FGD3: variants seen among roughly 807,000 people sequenced by gnomAD.
FGD3 encodes the protein FYVE, RhoGEF and PH domain-containing protein 3.
FGD3 carries 45 observed loss-of-function variants against 71.8 expected under a neutral mutation model. The observed-to-expected ratio is 0.63, with a 90% CI of 0.49 to 0.80. The LOEUF is 0.80. Among genes scored for constraint, FGD3 ranks in the 30% least tolerant of loss-of-function variants. FGD3 has a pLI of 0.00. For synonymous variants in FGD3, 378 were observed against 392.8 expected (o/e 0.96, Z 0.44); for missense variants, 844 against 951.5 (o/e 0.89, Z 1.49).
At chr9:93,006,728 A>G (rs1038386431) in intron 6 of FGD3, among the ~76,000 whole-genome samples, 1 of 150,432 alleles carries the variant, frequency 6.6e-6, no homozygotes, top group Admixed American at 6.6e-5. Context: ...TTATTTTTTT[A>G]TTTTATTTTT....
intron 3 of FGD3, among the ~76,000 whole-genome samples, chr9:92,999,884 G>A (rs12684870): frequency 0.041 from 6,311 of 152,088 alleles, 170 homozygotes; most frequent in East Asian, 0.14. Flanking sequence ...GAGCCACCAC[G>A]CCTGGCTGCC....
chr9:93,020,506 G>C (rs1322288177), intron 13 of FGD3, 82 bp downstream of exon 13: 2 of 1,216,478 alleles, frequency 1.6e-6, no homozygotes, highest in South Asian at 1.3e-5. Flanking sequence ...CGTCTGGGTG[G>C]GCAGCTTGAC....
At chr9:93,002,873 G>T in intron 3 of FGD3, 52 bp from the exon 4 acceptor site, 1 of 1,585,130 alleles carries the variant, frequency 6.3e-7, no homozygotes, top group South Asian at 1.1e-5. Context: ...GTTAGGTGCC[G>T]ATTCCCCAAG....
chr9:92,968,607 C>CTTTTTTT (rs55908030), intron 1 of FGD3, among the ~76,000 whole-genome samples: 3 of 143,032 alleles, frequency 2.1e-5, no homozygotes, highest in African/African-American at 2.6e-5. Flanking sequence ...TTCTTTCTTT[C>CTTTTTTT]TTTTTTTTTT....
intron 1 of FGD3, among the ~76,000 whole-genome samples, chr9:92,967,592 A>G (rs1234995651): frequency 4.0e-5 from 6 of 151,736 alleles, no homozygotes; most frequent in South Asian, 2.1e-4. Flanking sequence ...TTATTTACTT[A>G]TGAGATGGAG....
chr9:92,962,268 A>T (rs7026624), intron 1 of FGD3, among the ~76,000 whole-genome samples: 105,876 of 152,172 alleles, frequency 0.7, 38,037 homozygotes, highest in African/African-American at 0.89. Flanking sequence ...AGAATTTATC[A>T]TGACCCTCTT....
rs1273171844 is a variant in FGD3 at position 93,003,319 on chromosome 9, G to A, written c.543+305G>A. 2.0e-5 allele frequency among the ~76,000 whole-genome samples: 3 copies of A among 152,106 alleles called. No individual in the cohort carries two copies. The stretch of plus-strand genomic sequence containing the variant: ...AATTTTTGTATTTATAGTAGAGACG[G>A]GGTTTCACCATATTTGTCAGGCTGG... On this transcript the variant is annotated intron_variant, in intron 4 of 17. Transcript: ENST00000375482. This position sits in a 1 kb window ranked among gnomAD's most constrained non-coding sequence, Gnocchi z 4.1.
chr9:93,029,436 G>T lies in FGD3; in HGVS notation c.1558-438G>T, dbSNP rs374838418. Among the ~76,000 whole-genome samples the T allele has an allele frequency of 5.9e-4, 90 of 152,282 alleles. 1 individual carries two copies. In the Middle Eastern group the frequency reaches 0.01, roughly 17 times the overall value. On this transcript the variant is annotated intron_variant, in intron 14 of 17. Transcript: ENST00000375482. ...GGCGTGCCTGGAGGGTGTGGCCCGCGGTGCCCAGTATAGAGCAGGCGCATG... is the reference window on the plus strand; with the variant it reads ...GGCGTGCCTGGAGGGTGTGGCCCGCTGTGCCCAGTATAGAGCAGGCGCATG...
intron 10 of FGD3, among the ~76,000 whole-genome samples, chr9:93,016,290 G>A (rs979514312): frequency 6.6e-6 from 1 of 152,064 alleles, no homozygotes; most frequent in Non-Finnish European, 1.5e-5. Context: ...CCGGAGCCGG[G>A]GGGAGGGTTC....
intron 3 of FGD3, among the ~76,000 whole-genome samples, chr9:93,002,689 T>C (rs1171501432): frequency 1.3e-5 from 2 of 152,182 alleles, no homozygotes; most frequent in Non-Finnish European, 2.9e-5. Flanking sequence ...CTTGCTGACA[T>C]CACTGTGCAA....
At chr9:92,985,194 A>T (rs564193530) in intron 3 of FGD3, among the ~76,000 whole-genome samples, 1 of 152,340 alleles carries the variant, frequency 6.6e-6, no homozygotes, top group South Asian at 2.1e-4. Flanking sequence ...TTCCCACGCC[A>T]ATGGCAGTTA....
intron 5 of FGD3, among the ~76,000 whole-genome samples, chr9:93,004,798 G>C (rs959960557): frequency 6.6e-6 from 1 of 152,138 alleles, no homozygotes; most frequent in Non-Finnish European, 1.5e-5. Context: ...CCACCAGCCC[G>C]TTCTCCAAGC....
At chr9:92,954,569 G>A (rs1446353273) in intron 1 of FGD3, among the ~76,000 whole-genome samples, 1 of 152,186 alleles carries the variant, frequency 6.6e-6, no homozygotes, top group Non-Finnish European at 1.5e-5. Flanking sequence ...ACAGGAAGTG[G>A]CAGCCATGAG....
In FGD3 at chr9:93,003,123, G is replaced by T; in HGVS notation, c.543+109G>T. The T allele has an allele frequency of 9.2e-7, 1 of 1,084,526 alleles. No individual in the cohort carries two copies. The highest frequency in any genetic ancestry group is 1.3e-6 in the Non-Finnish European group (1 of 748,902). 67.2% of individuals were successfully genotyped at this position (1,084,526 alleles called of 1,614,324 possible). On this transcript the variant is annotated intron_variant, in intron 4 of 17. Transcript: ENST00000375482. This position sits in a 1 kb window ranked among gnomAD's most constrained non-coding sequence, Gnocchi z 4.1. The stretch of plus-strand genomic sequence containing the variant: ...TAAAACTCAGACAAATTTAAGTCTG[G>T]TCTACAAACTTTTTTTTTTTTTTGA...
intron 3 of FGD3, among the ~76,000 whole-genome samples, chr9:92,996,325 T>C (rs961290429): frequency 1.3e-5 from 2 of 152,194 alleles, no homozygotes; most frequent in African/African-American, 4.8e-5. Context: ...GGTGGTGATA[T>C]CCTCTTTATC....
At chr9:92,954,655 C>G (rs1019902050) in intron 1 of FGD3, among the ~76,000 whole-genome samples, 2 of 152,206 alleles carry the variant, frequency 1.3e-5, no homozygotes, top group African/African-American at 4.8e-5. Flanking sequence ...AGCCGCTCAG[C>G]AAATGGTTGT....
chr9:92,982,694 G>T (rs1860043334), intron 3 of FGD3, among the ~76,000 whole-genome samples: 2 of 151,780 alleles, frequency 1.3e-5, no homozygotes, highest in Admixed American at 1.3e-4. Context: ...CTCCATAAGA[G>T]TCCTGAAAGT....
chr9:93,012,086 G>A (rs1338754442), intron 8 of FGD3, among the ~76,000 whole-genome samples: 4 of 139,946 alleles, frequency 2.9e-5, no homozygotes, highest in East Asian at 2.1e-4. Flanking sequence ...CCTGGGAGGC[G>A]GAGCTTGCAG....
At chr9:92,978,282 CAAAA>C (rs372703604) in intron 3 of FGD3, among the ~76,000 whole-genome samples, 2 of 85,086 alleles carry the variant, frequency 2.4e-5, no homozygotes, top group Admixed American at 1.3e-4. Context: ...AACTCCATCT[CAAAA>C]AAAAAAAAAA....
Sources: gnomAD v4.1 joint callset for allele counts (sites outside exome capture counted in the v4.1 genomes callset) on GRCh38, gnomAD v4.1.1 for gene constraint, Gnocchi (gnomAD v3.1) non-coding constraint, MANE v1.5 for transcripts, NCBI Gene and HGNC (gene_info 2026-07-23, HGNC 2026-07-21) for gene names.